Variants in CTNNBL1 observed in about 807,000 individuals in gnomAD.
The protein encoded by CTNNBL1 is beta-catenin-like protein 1.
A neutral mutation model predicts 72.7 loss-of-function variants in CTNNBL1; 31 were observed. The observed-to-expected ratio is 0.43, with a 90% CI of 0.32 to 0.58. The LOEUF (loss-of-function observed/expected upper bound fraction) is 0.58, where lower values mean the gene tolerates loss of function less well. Among genes scored for constraint, CTNNBL1 ranks in the 20% least tolerant of loss-of-function variants. CTNNBL1 has a pLI of 0.08. For missense variants in CTNNBL1, 534 were observed against 725.1 expected (o/e 0.74, Z 3.03); for synonymous variants, 240 against 267.3 (o/e 0.90, Z 1.00).
intron 10 of CTNNBL1, among the ~76,000 whole-genome samples, chr20:37,794,372 A>G (rs1282892793): frequency 2.6e-5 from 4 of 152,118 alleles, no homozygotes; most frequent in African/African-American, 9.7e-5. Context: ...GCTGGAGTGC[A>G]GTGGCACAAT....
chr20:37,799,338 A>C (rs2122729664), intron 10 of CTNNBL1, among the ~76,000 whole-genome samples: 1 of 152,266 alleles, frequency 6.6e-6, no homozygotes, highest in Non-Finnish European at 1.5e-5. Flanking sequence ...GGAGCCTGTC[A>C]TGACCGTGTT....
At chr20:37,715,055 G>A (rs140904939) in intron 1 of CTNNBL1, among the ~76,000 whole-genome samples, 1 of 152,162 alleles carries the variant, frequency 6.6e-6, no homozygotes, top group Non-Finnish European at 1.5e-5. Context: ...TACAGACCTA[G>A]GACAAACATG....
At chr20:37,821,115 G>A (rs2122771008) in intron 11 of CTNNBL1, among the ~76,000 whole-genome samples, 1 of 152,298 alleles carries the variant, frequency 6.6e-6, no homozygotes, top group African/African-American at 2.4e-5. Context: ...TCCCCTGACT[G>A]AGATGCTCTT....
chr20:37,748,497 C>T (rs2073288313), intron 4 of CTNNBL1, among the ~76,000 whole-genome samples: 1 of 152,206 alleles, frequency 6.6e-6, no homozygotes, highest in South Asian at 2.1e-4. Context: ...GTACCAGGCA[C>T]TGTGCTAGGC....
chr20:37,798,388 T>C (rs1260364886), intron 10 of CTNNBL1, among the ~76,000 whole-genome samples: 5 of 152,200 alleles, frequency 3.3e-5, no homozygotes, highest in Non-Finnish European at 7.3e-5. Flanking sequence ...CCCCCAGTTT[T>C]ATAGAGGCTA....
intron 15 of CTNNBL1, among the ~76,000 whole-genome samples, chr20:37,861,997 G>A (rs553411387): frequency 7.2e-5 from 11 of 152,270 alleles, no homozygotes; most frequent in Admixed American, 3.3e-4. Context: ...TGGAAATCTC[G>A]TGTCTGCTCA....
chr20:37,788,311 TACA>T (rs1428524176), intron 10 of CTNNBL1, among the ~76,000 whole-genome samples: 1 of 152,232 alleles, frequency 6.6e-6, no homozygotes, highest in African/African-American at 2.4e-5. Flanking sequence ...TAGCAAAAGA[TACA>T]CCTTTGGTTT....
intron 11 of CTNNBL1, among the ~76,000 whole-genome samples, chr20:37,808,717 C>T (rs1230586503): frequency 6.6e-6 from 1 of 152,116 alleles, no homozygotes. Flanking sequence ...CAGCTTTAAC[C>T]TTCATCTATC....
intron 11 of CTNNBL1, among the ~76,000 whole-genome samples, chr20:37,836,445 C>T (rs1459341307): frequency 6.6e-6 from 1 of 152,152 alleles, no homozygotes; most frequent in African/African-American, 2.4e-5. Context: ...TATATTGTTC[C>T]TTCTGCCTGG....
At chr20:37,871,404 A>G (rs2072583504) in intron 15 of CTNNBL1, among the ~76,000 whole-genome samples, 1 of 152,130 alleles carries the variant, frequency 6.6e-6, no homozygotes, top group South Asian at 2.1e-4. Context: ...GCACTGCCCC[A>G]ACCTTTGGTG....
At chr20:37,835,298 C>T (rs2072244093) in intron 11 of CTNNBL1, among the ~76,000 whole-genome samples, 1 of 152,224 alleles carries the variant, frequency 6.6e-6, no homozygotes, top group Non-Finnish European at 1.5e-5. Context: ...TCCATAATTG[C>T]ACAAGCCCAT....
At chr20:37,790,938 A>G (rs987087121) in intron 10 of CTNNBL1, among the ~76,000 whole-genome samples, 1 of 152,224 alleles carries the variant, frequency 6.6e-6, no homozygotes, top group Non-Finnish European at 1.5e-5. Flanking sequence ...GTCTTCAGGC[A>G]ACCATTGATT....
At chr20:37,868,385 C>G (rs1192483579) in intron 15 of CTNNBL1, among the ~76,000 whole-genome samples, 1 of 152,118 alleles carries the variant, frequency 6.6e-6, no homozygotes. Context: ...TCTCTGATAG[C>G]CTCTGTTTCC....
chr20:37,707,292 T>A (rs1030965789), intron 1 of CTNNBL1, among the ~76,000 whole-genome samples: 2 of 152,238 alleles, frequency 1.3e-5, no homozygotes, highest in African/African-American at 4.8e-5. Context: ...GATGGCCTCT[T>A]CTTCCAACAG....
At chr20:37,709,415 G>A (rs1047928570) in intron 1 of CTNNBL1, among the ~76,000 whole-genome samples, 2 of 152,208 alleles carry the variant, frequency 1.3e-5, no homozygotes, top group African/African-American at 4.8e-5. Context: ...ATCCTTGATA[G>A]AGTTAAACAT....
chr20:37,757,876 C>T (rs188611938), intron 5 of CTNNBL1, among the ~76,000 whole-genome samples: 1 of 152,296 alleles, frequency 6.6e-6, no homozygotes, highest in East Asian at 1.9e-4. Context: ...TATTAAGTCT[C>T]TGCTGTGGGC....
chr20:37,710,245 T>C (rs2072925629), intron 1 of CTNNBL1, among the ~76,000 whole-genome samples: 1 of 152,214 alleles, frequency 6.6e-6, no homozygotes, highest in Non-Finnish European at 1.5e-5. Flanking sequence ...CACTGTGGAA[T>C]AGTAGGGATT....
chr20:37,700,590 C>A (rs1315946662), intron 1 of CTNNBL1, among the ~76,000 whole-genome samples: 1 of 152,138 alleles, frequency 6.6e-6, no homozygotes, highest in Non-Finnish European at 1.5e-5. Context: ...GTTATGTTCC[C>A]AATATGGAAA....
In CTNNBL1 at chr20:37,871,937, A is replaced by G; in HGVS notation, c.1616A>G (p.Asn539Ser). The change falls in exon 16 of 16, where the codon AAC becomes AGC. Residue 539 changes from asparagine to serine, a missense_variant. Asn to Ser is a conservative substitution (Grantham distance 46). Transcript: ENST00000361383. ...VRHIIKEYAE[N>S]IGDGRSPEFR... ...TTTGTCCCCCTAGAGTATGCAGAGAACATCGGGGACGGCCGGAGCCCGGAG... is the reference window on the plus strand; with the variant it reads ...TTTGTCCCCCTAGAGTATGCAGAGAGCATCGGGGACGGCCGGAGCCCGGAG... 1.2e-6 allele frequency: 2 copies of G among 1,614,026 alleles called. No individual in the cohort carries two copies. The highest frequency in any genetic ancestry group is 1.3e-5 in the African/African-American group (1 of 75,024).
Sources: allele counts gnomAD v4.1 joint callset (sites outside exome capture counted in the v4.1 genomes callset), GRCh38; gene constraint gnomAD v4.1.1; transcripts MANE v1.5; gene names NCBI Gene and HGNC (gene_info 2026-07-23, HGNC 2026-07-21).